The following VAV1 variants were observed in gnomAD, a reference collection of about 807,000 sequenced individuals.
VAV1 encodes vav guanine nucleotide exchange factor 1, also known as proto-oncogene vav.
VAV1 carries 33 observed loss-of-function variants against 128.1 expected under a neutral mutation model. The observed-to-expected ratio is 0.26, with a 90% CI of 0.20 to 0.34. The LOEUF is 0.34. VAV1 is among the 10% of genes least tolerant of loss of function. The pLI, the probability that VAV1 is intolerant of heterozygous loss-of-function variation, is 1.00. For missense variants in VAV1, 715 were observed against 1,093.7 expected (o/e 0.65, Z 4.88); for synonymous variants, 394 against 409.8 (o/e 0.96, Z 0.47).
At chr19:6,779,997 G>C (rs1030267468) in intron 1 of VAV1, among the ~76,000 whole-genome samples, 1 of 148,796 alleles carries the variant, frequency 6.7e-6, no homozygotes, top group Non-Finnish European at 1.5e-5. Flanking sequence ...TGTAGTCCCA[G>C]CTACTCGGGA....
At chr19:6,797,925 T>A (rs1242768228) in intron 1 of VAV1, among the ~76,000 whole-genome samples, 1 of 150,400 alleles carries the variant, frequency 6.6e-6, no homozygotes, top group African/African-American at 2.5e-5. Flanking sequence ...GGGCAGCCAG[T>A]ATCCTGCTGA....
At chr19:6,814,673 T>TTTCTTTCC (rs1568299207) in intron 1 of VAV1, among the ~76,000 whole-genome samples, 9 of 93,006 alleles carry the variant, frequency 9.7e-5, no homozygotes, top group Non-Finnish European at 1.4e-4. Context: ...CCTTCCTTCC[T>TTTCTTTCC]TTCTTTCTTT....
intron 22 of VAV1, 87 bp downstream of exon 22, chr19:6,843,253 T>C: frequency 6.9e-7 from 1 of 1,443,648 alleles, no homozygotes; most frequent in Admixed American, 1.7e-5. Context: ...CCGAGCCAAT[T>C]AGTTATGCAT....
chr19:6,790,586 G>A (rs1253277886), intron 1 of VAV1, among the ~76,000 whole-genome samples: 1 of 152,168 alleles, frequency 6.6e-6, no homozygotes, highest in African/African-American at 2.4e-5. Flanking sequence ...AGCCCTGGAG[G>A]GTTCTTGGCT....
chr19:6,832,549 T>C (rs1045875466), intron 15 of VAV1, among the ~76,000 whole-genome samples: 32 of 88,844 alleles, frequency 3.6e-4, no homozygotes, highest in South Asian at 1.5e-3. Flanking sequence ...CTCTTCTTCT[T>C]CCTCCTCCTC....
chr19:6,843,408 CAAT>C (rs766684151), intron 22 of VAV1, among the ~76,000 whole-genome samples: 4 of 152,154 alleles, frequency 2.6e-5, no homozygotes, highest in Non-Finnish European at 4.4e-5. Flanking sequence ...ACGATGATGA[CAAT>C]GATGATGATG....
chr19:6,794,285 G>A (rs1179696142), intron 1 of VAV1, among the ~76,000 whole-genome samples: 1 of 152,184 alleles, frequency 6.6e-6, no homozygotes, highest in Admixed American at 6.6e-5. Context: ...GGTGGTCTGA[G>A]GGTTGGGCCT....
intron 1 of VAV1, among the ~76,000 whole-genome samples, chr19:6,787,020 A>ATT (rs56137755): frequency 0.034 from 4,753 of 138,432 alleles, 143 homozygotes; most frequent in African/African-American, 0.064. Flanking sequence ...CACGCTGTCT[A>ATT]TTTTTTTTTT....
chr19:6,833,923 A>T lies in VAV1; in HGVS notation c.1747A>T (p.Arg583Trp). Residue 583 changes from arginine to tryptophan, a missense_variant, in exon 19 of 27, where the codon AGG (arginine) becomes TGG (tryptophan). Arg to Trp is a moderately radical substitution (Grantham distance 101, BLOSUM62 -3). Around this residue, in one of 3 missense-constraint regions of VAV1, gnomAD observed 407 missense variants for 580.6 expected, o/e 0.70. Transcript: ENST00000602142. ...GTMKKDKLHR[R>W]AQDKKRNELG... ...CTCCTTCCAGGACAAACTACATCGC[A>T]GGGCTCAGGACAAAAAGAGGAATGA... is the stretch of plus-strand genomic sequence containing the variant. 5 of 1,614,074 alleles carry T rather than the reference A, an allele frequency of 3.1e-6. No homozygotes were observed. The highest frequency in any genetic ancestry group is 4.2e-6 in the Non-Finnish European group (5 of 1,180,016).
chr19:6,825,341 G>T lies in VAV1; in HGVS notation c.762G>T (p.Met254Ile), dbSNP rs1407473033. The change falls in exon 8 of 27, where the codon ATG becomes ATT. Residue 254 changes from methionine (M) to isoleucine (I), a missense_variant. Met to Ile is a conservative substitution (Grantham distance 10). Coordinates refer to ENST00000602142, the MANE Select transcript of VAV1 (RefSeq NM_005428.4). Reference protein sequence around the residue: ...LRVHTHFLKEMKEALGTPGAA... With the variant: ...LRVHTHFLKEIKEALGTPGAA... ...TTCATACTCACTTCCTAAAGGAGAT[G>T]AAGGAAGCCCTGGGCACCCCTGGCG... 6.2e-7 allele frequency: 1 copy of T among 1,613,600 alleles called. No homozygotes were observed. Among genetic ancestry groups the T allele is most frequent in the South Asian group, 1.1e-5 (1 of 91,062 alleles).
In VAV1 at chr19:6,833,929, C is replaced by A; in HGVS notation, c.1753C>A (p.Gln585Lys). The A allele has an allele frequency of 6.2e-7, 1 of 1,613,988 alleles. No individual in the cohort carries two copies. Among genetic ancestry groups the A allele is most frequent in the South Asian group, 1.1e-5 (1 of 91,068 alleles). Residue 585 changes from glutamine (Q) to lysine (K), a missense_variant, in exon 19 of 27, where the codon CAG becomes AAG. Gln to Lys is a moderately conservative substitution (Grantham distance 53). This residue lies in a region of VAV1 where 407 missense variants were observed against 580.6 expected (regional missense o/e 0.70). Transcript: ENST00000602142. ...MKKDKLHRRA[Q>K]DKKRNELGLP... is the part of the protein sequence containing the mutation. The stretch of plus-strand genomic sequence containing the variant: ...CCAGGACAAACTACATCGCAGGGCT[C>A]AGGACAAAAAGAGGAATGAGCTGGG...
In VAV1 at chr19:6,825,216, C is replaced by T. The variant is rs546802612; in HGVS notation, c.724-87C>T. 145 of 1,569,144 alleles carry T rather than the reference C, an allele frequency of 9.2e-5. 1 individual carries two copies. The East Asian group carries it at 1.0e-3, about 11-fold the overall frequency. The stretch of plus-strand genomic sequence containing the variant: ...TGGAGTACGGGGGTTGGGAGTTGAG[C>T]GGCATGGGGCGGGTGGATGACCCTT... On this transcript the variant is annotated intron_variant, in intron 7 of 26. Transcript: ENST00000602142.
intron 1 of VAV1, among the ~76,000 whole-genome samples, chr19:6,817,671 A>C (rs888588214): frequency 2.6e-5 from 4 of 151,756 alleles, no homozygotes. Context: ...GATTTTATGA[A>C]ATTTTAATTA....
chr19:6,839,642 A>G (rs116640499), intron 21 of VAV1, among the ~76,000 whole-genome samples: 3,717 of 152,182 alleles, frequency 0.024, 78 homozygotes, highest in African/African-American at 0.048. Context: ...CATTCATTTT[A>G]TTATTATTAT....
chr19:6,796,157 TC>T (rs973060115), intron 1 of VAV1, among the ~76,000 whole-genome samples: 1 of 152,104 alleles, frequency 6.6e-6, no homozygotes, highest in Non-Finnish European at 1.5e-5. Flanking sequence ...GATTATACGT[TC>T]CCAACATGTG....
Position 6,836,122 on chromosome 19 carries a change from C to G in VAV1, c.1778-310C>G, listed in dbSNP as rs188853122. On this transcript the variant is annotated intron_variant, in intron 19 of 26. Coordinates refer to ENST00000602142, the MANE Select transcript of VAV1 (RefSeq NM_005428.4). ...CTCCTGACCTCAGGTGATCTTCCTG[C>G]CTCGGCCTCCCAAAGTGCTGGGATT... 419 of 223,584 alleles carry G rather than the reference C, an allele frequency of 1.9e-3. 5 individuals carry two copies. Among genetic ancestry groups the G allele is most frequent in the South Asian group, 0.011 (203 of 17,724 alleles). 13.9% of individuals were successfully genotyped at this position (223,584 alleles called of 1,614,324 possible).
Position 6,774,427 on chromosome 19 carries a change from C to CTTTTTTTT in VAV1, c.204+1434_204+1441dup, listed in dbSNP as rs1002823385. ...ACAGGTGTGAGCCACCGCGCCCAGCCTTTTTTTTTTTTTTTTTTTTTTTTT... is the reference window on the plus strand; with the variant it reads ...ACAGGTGTGAGCCACCGCGCCCAGCCTTTTTTTTTTTTTTTTTTTTTTTTTTTTTTTTT... On this transcript the variant is annotated intron_variant, in intron 1 of 26. Coordinates refer to ENST00000602142, the MANE Select transcript of VAV1 (RefSeq NM_005428.4). 1.7e-3 allele frequency among the ~76,000 whole-genome samples: 160 copies of CTTTTTTTT among 91,566 alleles called. 7 individuals carry two copies. Among genetic ancestry groups the CTTTTTTTT allele is most frequent in the East Asian group, 9.1e-3 (31 of 3,390 alleles). 60.1% of individuals were successfully genotyped at this position (91,566 alleles called of 152,430 possible).
intron 1 of VAV1, among the ~76,000 whole-genome samples, chr19:6,813,318 C>T (rs1029302355): frequency 2.0e-5 from 3 of 152,190 alleles, no homozygotes; most frequent in East Asian, 1.9e-4. Flanking sequence ...ACAACATGGT[C>T]GCCGGTGAGT....
rs113178410 is a variant in VAV1, at chr19:6,850,669, G to C, written c.2130-1G>C. The C allele has an allele frequency of 6.2e-7, 1 of 1,614,034 alleles. No individual in the cohort carries two copies. The highest frequency in any genetic ancestry group is 1.3e-5 in the African/African-American group (1 of 75,000). On this transcript the variant is annotated splice_acceptor_variant, in intron 23 of 26. Transcript: ENST00000602142. LOFTEE classifies it high-confidence loss of function. ...AGGGCCCGGTGACCATCTGGTTCCA[G>C]ATATAACGTCGAGGTCAAGCACATT...
Sources: gnomAD v4.1 joint callset for allele counts (sites outside exome capture counted in the v4.1 genomes callset) on GRCh38, gnomAD v4.1.1 for gene constraint, gnomAD v4.1.1 regional missense constraint, MANE v1.5 for transcripts, NCBI Gene and HGNC (gene_info 2026-07-23, HGNC 2026-07-21) for gene names.